DMD: variants seen among roughly 807,000 people sequenced by gnomAD.
DMD encodes the protein mutant dystrophin.
In DMD, 63 loss-of-function variants were observed where a neutral mutation model predicts 330.1. The observed-to-expected ratio is 0.19, with a 90% CI of 0.16 to 0.24. The LOEUF is 0.24. DMD is among the 10% of genes least tolerant of loss of function. The pLI, the probability that DMD is intolerant of heterozygous loss-of-function variation, is 1.00. For missense variants in DMD, 3,344 were observed against 2,684.1 expected (o/e 1.25, Z -5.43); for synonymous variants, 1,223 against 959.8 (o/e 1.27, Z -5.07).
Position 31,961,551 on chromosome X carries a change from G to T in DMD, c.6614+6788C>A, listed in dbSNP as rs1030885861. On this transcript the variant is annotated intron_variant, in intron 45 of 78. Transcript: ENST00000357033. ...GCATATGTAAATAGGTATGATACAT[G>T]ATATATACATACAATATTACATGAG... is the stretch of plus-strand genomic sequence containing the variant. 2.7e-5 allele frequency among the ~76,000 whole-genome samples: 3 copies of T among 111,049 alleles called. No individual in the cohort carries two copies. The Admixed American group carries it at 2.9e-4, about 11-fold the overall frequency.
At chrX:32,443,257 C>G (rs1477456520) in intron 27 of DMD, among the ~76,000 whole-genome samples, 3 of 111,042 alleles carry the variant, frequency 2.7e-5, no homozygotes, top group Non-Finnish European at 5.7e-5. Context: ...GTTCATAGCC[C>G]TTAGAATGAC....
chrX:32,504,612 G>A (rs1301758963), intron 18 of DMD, among the ~76,000 whole-genome samples: 1 of 111,490 alleles, frequency 9.0e-6, no homozygotes, highest in African/African-American at 3.3e-5. Flanking sequence ...GGGTGACAGA[G>A]TAAGACTCTG....
intron 49 of DMD, among the ~76,000 whole-genome samples, chrX:31,822,653 G>GGGGGTGTGTGTGTGTGTGTGTGTGTGT (rs58903799): frequency 1.5e-5 from 1 of 65,809 alleles, no homozygotes; most frequent in African/African-American, 6.4e-5. Flanking sequence ...AAGGCAGAGG[G>GGGGGTGTGTGTGTGTGTGTGTGTGTGT]GTGTGTGTGT....
At chrX:31,396,648 T>C (rs1436303629) in intron 60 of DMD, among the ~76,000 whole-genome samples, 1 of 106,601 alleles carries the variant, frequency 9.4e-6, no homozygotes. Flanking sequence ...AATCCTGGAC[T>C]GTAGGCAAGA....
intron 43 of DMD, among the ~76,000 whole-genome samples, chrX:32,265,487 C>T (rs932454719): frequency 1.7e-4 from 19 of 112,258 alleles, no homozygotes; most frequent in Non-Finnish European, 1.7e-4. Flanking sequence ...GTTGGAGCCC[C>T]CACATAGAGT....
rs904392763 is a variant in DMD at position 32,440,928 on chromosome X, T to C, written c.3921+252A>G. 1.6e-4 allele frequency among the ~76,000 whole-genome samples: 18 copies of C among 111,286 alleles called. No individual in the cohort carries two copies. The Admixed American group carries it at 1.6e-3, about 10-fold the overall frequency. ...GTGGTACATTTAATTAGGTGAAGCA[T>C]CTATGTAGAACTTAGTGATATAATA... On this transcript the variant is annotated intron_variant, in intron 28 of 78. Coordinates refer to ENST00000357033, the MANE Select transcript of DMD (RefSeq NM_004006.3).
At chrX:31,771,732 C>G (rs1016881960) in intron 51 of DMD, among the ~76,000 whole-genome samples, 15 of 111,517 alleles carry the variant, frequency 1.3e-4, no homozygotes, top group African/African-American at 4.9e-4. Context: ...AACTCCTGAC[C>G]TCAAGTGATC....
intron 7 of DMD, among the ~76,000 whole-genome samples, chrX:32,716,212 G>T (rs1347216875): frequency 1.8e-5 from 2 of 111,195 alleles, no homozygotes; most frequent in African/African-American, 3.3e-5. Context: ...CAAATCTCAT[G>T]TTGAGTTGTG....
At chrX:33,130,196 C>T (rs1027142740) in intron 1 of DMD, among the ~76,000 whole-genome samples, 1 of 111,519 alleles carries the variant, frequency 9.0e-6, no homozygotes, top group Non-Finnish European at 1.9e-5. Flanking sequence ...AAATAAATAA[C>T]AAATTAAGAT....
At chrX:32,553,452 T>A (rs1348155853) in intron 16 of DMD, among the ~76,000 whole-genome samples, 1 of 95,969 alleles carries the variant, frequency 1.0e-5, no homozygotes, top group African/African-American at 4.9e-5. Context: ...AAAAACTACT[T>A]ATTGGGTACT....
At chrX:32,175,479 A>G (rs187280273) in intron 44 of DMD, among the ~76,000 whole-genome samples, 2 of 110,593 alleles carry the variant, frequency 1.8e-5, no homozygotes, top group East Asian at 2.9e-4. Context: ...ACGTTGTGGA[A>G]GCTTTGTTCT....
In DMD at chrX:31,147,537, TA is replaced by T. The variant is rs1435830604; in HGVS notation, c.10554-20del. The T allele has an allele frequency of 2.0e-6, 2 of 1,005,852 alleles. No homozygotes were observed. The highest frequency in any genetic ancestry group is 2.6e-6 in the Non-Finnish European group (2 of 767,255). 82.9% of individuals were successfully genotyped at this position (1,005,852 alleles called of 1,213,427 possible). A position where few individuals can be genotyped will look rare whatever the true frequency, so the allele number is the denominator to read the frequency against. ...CAGATTCCTATTGGCATCAAAAAAG[TA>T]AAAAAGAAAAAAAAAGAAAGAAAAA... On this transcript the variant is annotated intron_variant, in intron 74 of 78. Transcript: ENST00000357033.
intron 44 of DMD, among the ~76,000 whole-genome samples, chrX:32,114,958 G>A (rs1244519338): frequency 8.9e-6 from 1 of 111,781 alleles, no homozygotes; most frequent in Admixed American, 9.5e-5. Flanking sequence ...GCTCCATATT[G>A]CAAAACCCAA....
At chrX:32,370,584 G>C (rs752025987) in intron 34 of DMD, among the ~76,000 whole-genome samples, 27 of 110,456 alleles carry the variant, frequency 2.4e-4, no homozygotes, top group Non-Finnish European at 4.7e-4. Context: ...GCATGTAACA[G>C]ATGTTCTATT....
chrX:32,766,725 T>A (rs1320439746), intron 7 of DMD, among the ~76,000 whole-genome samples: 1 of 111,443 alleles, frequency 9.0e-6, no homozygotes, highest in African/African-American at 3.3e-5. Context: ...TGAATATAGT[T>A]AATAGAGTAT....
At chrX:31,807,252 C>T (rs2092319643) in intron 50 of DMD, among the ~76,000 whole-genome samples, 1 of 111,905 alleles carries the variant, frequency 8.9e-6, no homozygotes, top group African/African-American at 3.2e-5. Context: ...CAGGTCTGAA[C>T]ACAAAAAAGA....
At chrX:32,113,345 T>G (rs868769468) in intron 44 of DMD, among the ~76,000 whole-genome samples, 3 of 112,722 alleles carry the variant, frequency 2.7e-5, no homozygotes, top group Middle Eastern at 4.7e-3. Context: ...GGTAAATGTT[T>G]GAGGTGACGG....
rs146591789 is a variant in DMD, at chrX:33,064,487, A to G, written c.32-44287T>C. On this transcript the variant is annotated intron_variant, in intron 1 of 78. Coordinates refer to ENST00000357033, the MANE Select transcript of DMD (RefSeq NM_004006.3). ...GTCTTTCAATTAAAATTGTTAAGCT[A>G]CAGATTGTTGACACCACCGAATATA... 8.1e-3 allele frequency among the ~76,000 whole-genome samples: 913 copies of G among 112,412 alleles called. 6 individuals carry two copies. The highest frequency in any genetic ancestry group is 0.028 in the African/African-American group (882 of 30,974).
chrX:32,973,227 T>C (rs1166207651), intron 2 of DMD, among the ~76,000 whole-genome samples: 2 of 112,345 alleles, frequency 1.8e-5, no homozygotes, highest in Non-Finnish European at 3.8e-5. Context: ...TTTATTCTCG[T>C]GATTTTAAAT....
Sources: gnomAD v4.1 joint callset for allele counts (sites outside exome capture counted in the v4.1 genomes callset) on GRCh38, gnomAD v4.1.1 for gene constraint, MANE v1.5 for transcripts, NCBI Gene and HGNC (gene_info 2026-07-23, HGNC 2026-07-21) for gene names.